Variants in UMAD1 observed in about 807,000 individuals in gnomAD.
UMAD1 encodes the protein UBAP1-MVB12-associated (UMA) domain containing 1.
In UMAD1, 8 loss-of-function variants were observed where a neutral mutation model predicts 6.1. The observed-to-expected ratio is 1.30, with a 90% CI of 0.76 to 2.35. The LOEUF is 2.35. Among genes scored for constraint, UMAD1 ranks in the 30% most tolerant of loss-of-function variants. UMAD1 has a pLI of 0.00. For missense variants in UMAD1, 130 were observed against 78.4 expected (o/e 1.66, Z -2.49); for synonymous variants, 56 against 31.4 (o/e 1.78, Z -2.61).
intron 2 of UMAD1, among the ~76,000 whole-genome samples, chr7:7,717,575 AT>A (rs1383945085): frequency 6.6e-6 from 1 of 152,160 alleles, no homozygotes; most frequent in South Asian, 2.1e-4. Flanking sequence ...ACTTTAACTG[AT>A]TTTTTTATTA....
intron 1 of UMAD1, chr7:7,641,554 T>C (rs1463245824): frequency 2.0e-5 from 3 of 152,184 alleles, no homozygotes; most frequent in Non-Finnish European, 4.4e-5. Context: ...ACTGCGAGAC[T>C]CTGGAGGGCG....
chr7:7,678,320 C>T (rs891867495), intron 2 of UMAD1, among the ~76,000 whole-genome samples: 1 of 150,474 alleles, frequency 6.6e-6, no homozygotes, highest in Non-Finnish European at 1.5e-5. Flanking sequence ...TTTTGATTTG[C>T]ATTTCTCTGA....
intron 3 of UMAD1, among the ~76,000 whole-genome samples, chr7:7,864,602 TACACACACACACACACACACACAC>T (rs59036228): frequency 1.4e-5 from 2 of 140,160 alleles, no homozygotes; most frequent in Non-Finnish European, 3.1e-5. Flanking sequence ...ACATGAAAAC[TACACACACACACACACACACACAC>T]ACACACACAC....
intron 3 of UMAD1, among the ~76,000 whole-genome samples, chr7:7,811,880 G>A (rs947068654): frequency 1.3e-5 from 1 of 78,384 alleles, no homozygotes; most frequent in African/African-American, 5.7e-5. Flanking sequence ...GTCACTGGTA[G>A]AGAACAATTA....
In UMAD1 at chr7:7,877,602, T is replaced by G; in HGVS notation, c.*64T>G. 1.5e-6 allele frequency: 1 copy of G among 678,160 alleles called. No individual in the cohort carries two copies. Among genetic ancestry groups the G allele is most frequent in the Admixed American group, 2.1e-5 (1 of 48,550 alleles). 42.0% of individuals were successfully genotyped at this position (678,160 alleles called of 1,614,324 possible). ...GTTCGCCTATTTTATCTAACCTGTT[T>G]GATGTTCTTTGCCGTTTCACTGTTT... is the stretch of plus-strand genomic sequence containing the variant. On this transcript the variant is annotated 3_prime_UTR_variant, in exon 4 of 4. Transcript: ENST00000682710.
chr7:7,808,486 T>C (rs1782962254), intron 3 of UMAD1, among the ~76,000 whole-genome samples: 2 of 152,030 alleles, frequency 1.3e-5, no homozygotes, highest in South Asian at 4.1e-4. Flanking sequence ...CCAGCGGACC[T>C]GTTCTTTTTG....
intron 2 of UMAD1, among the ~76,000 whole-genome samples, chr7:7,780,555 T>C (rs1782324286): frequency 1.3e-5 from 2 of 152,212 alleles, no homozygotes; most frequent in African/African-American, 2.4e-5. Flanking sequence ...TTTCACAAAA[T>C]GTCGTTAGCG....
intron 3 of UMAD1, among the ~76,000 whole-genome samples, chr7:7,847,105 AT>A (rs1276695147): frequency 0.023 from 105 of 4,518 alleles, 18 homozygotes; most frequent in East Asian, 0.11. Flanking sequence ...AAAAAAAAAA[AT>A]ATATATATAT....
intron 2 of UMAD1, among the ~76,000 whole-genome samples, chr7:7,715,467 A>C (rs1780878171): frequency 6.6e-6 from 1 of 152,208 alleles, no homozygotes; most frequent in East Asian, 1.9e-4. Context: ...TTATTTCAAT[A>C]ATTAATGCTT....
At chr7:7,790,997 C>T (rs1435098228) in intron 2 of UMAD1, among the ~76,000 whole-genome samples, 1 of 152,108 alleles carries the variant, frequency 6.6e-6, no homozygotes, top group East Asian at 1.9e-4. Context: ...CTCAAGCACT[C>T]CTCCTGTCTC....
At chr7:7,683,030 A>G (rs1260665463) in intron 2 of UMAD1, among the ~76,000 whole-genome samples, 1 of 152,192 alleles carries the variant, frequency 6.6e-6, no homozygotes, top group African/African-American at 2.4e-5. Context: ...CGTGTGGGGT[A>G]CACCACCCTT....
intron 3 of UMAD1, among the ~76,000 whole-genome samples, chr7:7,827,747 G>A (rs907582376): frequency 6.6e-6 from 1 of 152,274 alleles, no homozygotes; most frequent in Middle Eastern, 3.4e-3. Context: ...CAGTAGTAAA[G>A]GGATATATGG....
chr7:7,689,690 T>C (rs1022046305), intron 2 of UMAD1, among the ~76,000 whole-genome samples: 1 of 152,190 alleles, frequency 6.6e-6, no homozygotes, highest in African/African-American at 2.4e-5. Flanking sequence ...AGAAGACATT[T>C]ATATTTATGT....
At chr7:7,853,586 T>C (rs1783960033) in intron 3 of UMAD1, among the ~76,000 whole-genome samples, 1 of 152,174 alleles carries the variant, frequency 6.6e-6, no homozygotes, top group African/African-American at 2.4e-5. Context: ...TAAATGAAAT[T>C]ATCTTAATTT....
At chr7:7,743,030 G>A (rs4725022) in intron 2 of UMAD1, among the ~76,000 whole-genome samples, 68,907 of 151,888 alleles carry the variant, frequency 0.45, 16,050 homozygotes, top group African/African-American at 0.56. Context: ...GTATATATGT[G>A]TTTACATTCC....
intron 2 of UMAD1, among the ~76,000 whole-genome samples, chr7:7,793,634 G>C (rs1386846932): frequency 1.3e-5 from 2 of 152,110 alleles, no homozygotes; most frequent in African/African-American, 2.4e-5. Flanking sequence ...TCGTGTAGCA[G>C]AATGCAGTCA....
Position 7,748,804 on chromosome 7 carries a change from G to A in UMAD1, c.83-52866G>A, listed in dbSNP as rs542306770. The stretch of plus-strand genomic sequence containing the variant: ...TTAAAAAATTCTTTTATTTTTAGGA[G>A]CAAAAATTTGGGGAAAATAATGTAA... On this transcript the variant is annotated intron_variant, in intron 2 of 3. Transcript: ENST00000682710. Among the ~76,000 whole-genome samples, 183 of 151,786 alleles carry A rather than the reference G, an allele frequency of 1.2e-3. 1 individual carries two copies. Among genetic ancestry groups the A allele is most frequent in the Non-Finnish European group, 2.1e-3 (143 of 67,908 alleles).
At chr7:7,814,721 A>G (rs1783091116) in intron 3 of UMAD1, among the ~76,000 whole-genome samples, 1 of 152,100 alleles carries the variant, frequency 6.6e-6, no homozygotes, top group South Asian at 2.1e-4. Context: ...CCTCTTTCAA[A>G]TCTCTGATAA....
chr7:7,783,735 T>G (rs1373878587), intron 2 of UMAD1, among the ~76,000 whole-genome samples: 1 of 152,174 alleles, frequency 6.6e-6, no homozygotes, highest in Non-Finnish European at 1.5e-5. Flanking sequence ...CAGAAACAAT[T>G]ACACCAGCAG....
Sources: gnomAD v4.1 joint callset for allele counts (sites outside exome capture counted in the v4.1 genomes callset) on GRCh38, gnomAD v4.1.1 for gene constraint, MANE v1.5 for transcripts, NCBI Gene and HGNC (gene_info 2026-07-23, HGNC 2026-07-21) for gene names.